Variants in TIAM2 observed in about 807,000 individuals in gnomAD.
TIAM2 encodes the protein rho guanine nucleotide exchange factor TIAM2.
A neutral mutation model predicts 152.9 loss-of-function variants in TIAM2; 80 were observed. The observed-to-expected ratio is 0.52, with a 90% CI of 0.44 to 0.63. The LOEUF (loss-of-function observed/expected upper bound fraction) is 0.63. Ranked by LOEUF, TIAM2 falls within the 30% of genes least tolerant of loss-of-function variation. TIAM2 has a pLI of 0.00. For synonymous variants in TIAM2, 804 were observed against 838.0 expected, an observed-to-expected ratio of 0.96 and a Z score of 0.70; for missense variants, 1,965 against 2,120.1, an observed-to-expected ratio of 0.93 and a Z score of 1.44.
At chr6:155,069,383 C>T (rs1477834868) in intron 1 of TIAM2, among the ~76,000 whole-genome samples, 1 of 152,160 alleles carries the variant, frequency 6.6e-6, no homozygotes, top group Non-Finnish European at 1.5e-5. Flanking sequence ...GGTAAGCAAC[C>T]ACGCCCAGCC....
intron 1 of TIAM2, among the ~76,000 whole-genome samples, chr6:155,001,255 A>G (rs1778307812): frequency 6.6e-6 from 1 of 152,116 alleles, no homozygotes; most frequent in Non-Finnish European, 1.5e-5. Flanking sequence ...CTAGAAGGAG[A>G]AGGTTGGAGA....
chr6:155,107,118 G>C (rs796582796), intron 2 of TIAM2, among the ~76,000 whole-genome samples: 1 of 151,784 alleles, frequency 6.6e-6, no homozygotes, highest in East Asian at 1.9e-4. Context: ...TCTTATTAAC[G>C]AACAGACCCC....
intron 4 of TIAM2, among the ~76,000 whole-genome samples, chr6:155,135,221 G>A (rs1779531112): frequency 6.6e-6 from 1 of 152,052 alleles, no homozygotes; most frequent in South Asian, 2.1e-4. Flanking sequence ...CATGGCTCCT[G>A]GGTATTTGGA....
intron 14 of TIAM2, among the ~76,000 whole-genome samples, chr6:155,193,080 C>G (rs535058764): frequency 2.0e-5 from 3 of 151,736 alleles, no homozygotes; most frequent in Non-Finnish European, 2.9e-5. Flanking sequence ...GTAGATCTTC[C>G]AAATGTGGAC....
At chr6:155,179,485 A>G in intron 12 of TIAM2, 29 bp downstream of exon 12, 1 of 1,569,690 alleles carries the variant, frequency 6.4e-7, no homozygotes, top group Non-Finnish European at 8.6e-7. Flanking sequence ...CCTTTCAGGG[A>G]ATTGTGTTGT....
At chr6:155,051,674 C>T (rs1304242443) in intron 1 of TIAM2, among the ~76,000 whole-genome samples, 3 of 151,616 alleles carry the variant, frequency 2.0e-5, no homozygotes, top group African/African-American at 4.8e-5. Context: ...GATGGAGTTT[C>T]GCTCTTGTTG....
rs1479967066 is a variant in TIAM2, at chr6:155,035,748, T to G, written c.-209+40256T>G. On this transcript the variant is annotated intron_variant, in intron 1 of 26. Coordinates refer to ENST00000682666, the MANE Select transcript of TIAM2 (RefSeq NM_012454.4). ...TGTACTTTTCAGACTTGTATGTTAA[T>G]GAAAACATTTGATTCTCATTAATAC... is the stretch of plus-strand genomic sequence containing the variant. 2.6e-5 allele frequency among the ~76,000 whole-genome samples: 4 copies of G among 152,224 alleles called. No individual in the cohort carries two copies. The East Asian group carries it at 7.7e-4, about 29-fold the overall frequency.
At position 154,998,919 on chromosome 6, in the gene TIAM2, T is replaced by A. The variant is rs564945229; in HGVS notation, c.-209+3427T>A. ...GGAAATCTTGAAAGTATAGGCTTAA[T>A]TTTAAGATCTCAGGGAAAGAAAAGA... is the stretch of plus-strand genomic sequence containing the variant. On this transcript the variant is annotated intron_variant, in intron 1 of 26. Transcript: ENST00000682666. 7.2e-5 allele frequency among the ~76,000 whole-genome samples: 11 copies of A among 151,784 alleles called. No homozygotes were observed. The South Asian group carries it at 2.3e-3, about 32-fold the overall frequency.
intron 1 of TIAM2, among the ~76,000 whole-genome samples, chr6:155,051,905 G>A (rs1233446036): frequency 6.6e-6 from 1 of 152,170 alleles, no homozygotes; most frequent in Non-Finnish European, 1.5e-5. Context: ...CTCCCAAAGT[G>A]CTGGGATTAC....
Position 155,244,785 on chromosome 6 carries a change from T to G in TIAM2, c.3543+2T>G, listed in dbSNP as rs1783223287. On this transcript the variant is annotated splice_donor_variant, in intron 18 of 26. Transcript: ENST00000682666. LOFTEE classifies it high-confidence loss of function. Reference sequence around the variant, plus strand: ...CTAGAAACCCCCTCACAGTTTAGAGTAAGTATCTCAGATTTAGGCTTAAAG... The same window carrying G: ...CTAGAAACCCCCTCACAGTTTAGAGGAAGTATCTCAGATTTAGGCTTAAAG... 1 of 1,604,008 alleles carries G rather than the reference T, an allele frequency of 6.2e-7. No individual in the cohort carries two copies. Among genetic ancestry groups the G allele is most frequent in the Admixed American group, 1.7e-5 (1 of 58,134 alleles).
intron 15 of TIAM2, among the ~76,000 whole-genome samples, chr6:155,219,809 C>G (rs1448826704): frequency 6.6e-6 from 1 of 151,872 alleles, no homozygotes; most frequent in East Asian, 1.9e-4. Context: ...TTTTCTTTGC[C>G]AGGGATAACT....
At chr6:155,199,787 C>T (rs1781436565) in intron 14 of TIAM2, among the ~76,000 whole-genome samples, 2 of 152,176 alleles carry the variant, frequency 1.3e-5, no homozygotes, top group Non-Finnish European at 2.9e-5. Context: ...CGGTAGAGAA[C>T]GTGTTTGTTA....
chr6:155,052,591 C>A (rs1388762711), intron 1 of TIAM2, among the ~76,000 whole-genome samples: 2 of 151,906 alleles, frequency 1.3e-5, no homozygotes, highest in South Asian at 2.1e-4. Context: ...CATGGTGAAA[C>A]CCTGTCACTA....
Position 155,257,536 on chromosome 6 carries a change from T to A in TIAM2, c.*415T>A. 1 of 377,372 alleles carries A rather than the reference T, an allele frequency of 2.6e-6. No individual in the cohort carries two copies. Among genetic ancestry groups the A allele is most frequent in the Non-Finnish European group, 4.7e-6 (1 of 210,726 alleles). The allele number at this position is 377,372 out of a possible 1,614,324, so 23.4% of individuals were successfully genotyped here. On this transcript the variant is annotated 3_prime_UTR_variant, in exon 27 of 27. Transcript: ENST00000682666. ...TATTTAAAGCATATTTAAGTTATTT[T>A]AATGTGGTTTAGGGGCAAAATGTGC... is the stretch of plus-strand genomic sequence containing the variant.
chr6:155,197,129 A>G (rs1478838305), intron 14 of TIAM2, among the ~76,000 whole-genome samples: 1 of 152,242 alleles, frequency 6.6e-6, no homozygotes. Context: ...GAAGTCTCCC[A>G]GTGGGCTTGT....
chr6:155,111,669 C>G (rs922951296), intron 2 of TIAM2, among the ~76,000 whole-genome samples: 1 of 152,152 alleles, frequency 6.6e-6, no homozygotes, highest in Non-Finnish European at 1.5e-5. Flanking sequence ...GCGTGCAATT[C>G]CTCTCCCTTT....
In TIAM2 at chr6:155,254,466, T is replaced by G; in HGVS notation, c.4361T>G (p.Leu1454Arg). 1 of 1,614,188 alleles carries G rather than the reference T, an allele frequency of 6.2e-7. No individual in the cohort carries two copies. The highest frequency in any genetic ancestry group is 8.5e-7 in the Non-Finnish European group (1 of 1,180,022). The change falls in exon 26 of 27, where the codon CTG becomes CGG. Residue 1454 changes from leucine (L) to arginine (R), a missense_variant. By Grantham distance (102) the Leu-to-Arg change is moderately radical. Around this residue, in one of 3 missense-constraint regions of TIAM2, gnomAD observed 935 missense variants for 980.0 expected, o/e 0.95. Transcript: ENST00000682666. The part of the protein sequence containing the change: ...TNIVKVIRSI[L>R]RENFRRHIKC... Reference sequence around the variant, plus strand: ...ATTGTTAAGGTGATTCGTTCTATTCTGAGGGAGAACTTCAGGCGTCACATA... The same window carrying G: ...ATTGTTAAGGTGATTCGTTCTATTCGGAGGGAGAACTTCAGGCGTCACATA...
chr6:155,202,762 G>T (rs1454860956), intron 14 of TIAM2, among the ~76,000 whole-genome samples: 2 of 151,614 alleles, frequency 1.3e-5, no homozygotes, highest in African/African-American at 4.9e-5. Flanking sequence ...TTCTGGCTGG[G>T]TGCCATAGCT....
At chr6:155,122,231 G>A (rs9397224) in intron 2 of TIAM2, 61,673 of 151,634 alleles carry the variant, frequency 0.41, 14,604 homozygotes, top group African/African-American at 0.64. Flanking sequence ...ACACTTTTAA[G>A]AAAGAAAAAC....
Sources: allele counts gnomAD v4.1 joint callset (sites outside exome capture counted in the v4.1 genomes callset), GRCh38; gene constraint gnomAD v4.1.1; regional missense constraint gnomAD v4.1.1; transcripts MANE v1.5; gene names NCBI Gene and HGNC (gene_info 2026-07-23, HGNC 2026-07-21).